Variants in CNTNAP2 observed in about 807,000 individuals in gnomAD.
CNTNAP2 encodes the protein contactin associated protein 2, also known as contactin-associated protein-like 2.
A neutral mutation model predicts 155.2 loss-of-function variants in CNTNAP2; 98 were observed. The ratio of observed to expected loss-of-function variants is 0.63; its 90% CI spans 0.54 to 0.75. The LOEUF (loss-of-function observed/expected upper bound fraction) is 0.75. Ranked by LOEUF, CNTNAP2 falls within the 30% of genes least tolerant of loss-of-function variation. The probability of loss-of-function intolerance (pLI) is 0.00; values close to 1 mark genes in which losing one functional copy is unlikely to be tolerated. For missense variants in CNTNAP2, 1,727 were observed against 1,688.1 expected (o/e 1.02, Z -0.40); for synonymous variants, 651 against 631.2 (o/e 1.03, Z -0.47).
At chr7:147,750,967 G>A (rs1237317728) in intron 13 of CNTNAP2, among the ~76,000 whole-genome samples, 2 of 152,156 alleles carry the variant, frequency 1.3e-5, no homozygotes, top group African/African-American at 4.8e-5. Context: ...GTGAACCCGA[G>A]AGGCGGAGCT....
chr7:147,120,831 C>A, intron 5 of CNTNAP2, 148 bp from the exon 6 acceptor site: 1 of 727,874 alleles, frequency 1.4e-6, no homozygotes, highest in Non-Finnish European at 2.4e-6. Context: ...TTTTAAGTGT[C>A]GTTACTTACT....
intron 13 of CNTNAP2, among the ~76,000 whole-genome samples, chr7:147,806,952 T>C (rs932693500): frequency 1.3e-5 from 2 of 152,116 alleles, no homozygotes; most frequent in African/African-American, 4.8e-5. Flanking sequence ...AGGGTGACTA[T>C]AGTTAACAAT....
chr7:146,858,473 C>T (rs1795036170), intron 3 of CNTNAP2, among the ~76,000 whole-genome samples: 1 of 152,176 alleles, frequency 6.6e-6, no homozygotes, highest in Admixed American at 6.5e-5. Flanking sequence ...GCGAGAGGAT[C>T]ACTTGAGCCC....
At chr7:146,769,730 CT>C (rs144579595) in intron 1 of CNTNAP2, among the ~76,000 whole-genome samples, 1,898 of 152,262 alleles carry the variant, frequency 0.012, 112 homozygotes, top group Admixed American at 0.099. Flanking sequence ...TGGAAACTCA[CT>C]CTGTAAAAGC....
intron 1 of CNTNAP2, among the ~76,000 whole-genome samples, chr7:146,160,770 G>C (rs1313839736): frequency 1.3e-5 from 2 of 152,064 alleles, no homozygotes; most frequent in African/African-American, 4.8e-5. Context: ...TTCTACCAGA[G>C]GTACAAAGAG....
At chr7:147,891,814 T>C (rs1799700094) in intron 13 of CNTNAP2, among the ~76,000 whole-genome samples, 2 of 152,102 alleles carry the variant, frequency 1.3e-5, no homozygotes, top group Non-Finnish European at 1.5e-5. Context: ...CCCCTACCAT[T>C]CTTTGAGTCC....
In CNTNAP2 at chr7:146,703,526, T is replaced by C. The variant is rs375171857; in HGVS notation, c.98-70745T>C. 5.9e-5 allele frequency among the ~76,000 whole-genome samples: 9 copies of C among 152,240 alleles called. No individual in the cohort carries two copies. The South Asian group carries it at 1.9e-3, about 32-fold the overall frequency. ...CTGTTTGGGCTGCTATAACAACATA[T>C]CATAAACTGGGTGGCTTATAAACAA... On this transcript the variant is annotated intron_variant, in intron 1 of 23. Coordinates refer to ENST00000361727, the MANE Select transcript of CNTNAP2 (RefSeq NM_014141.6).
intron 8 of CNTNAP2, among the ~76,000 whole-genome samples, chr7:147,294,964 GAC>G (rs1003807288): frequency 5.3e-5 from 8 of 152,014 alleles, no homozygotes; most frequent in Non-Finnish European, 8.8e-5. Flanking sequence ...CCTGATGAAA[GAC>G]AAATTATTAA....
At position 146,237,395 on chromosome 7, in the gene CNTNAP2, T is replaced by C. The variant is rs140047299; in HGVS notation, c.97+120422T>C. Among the ~76,000 whole-genome samples, 412 of 152,358 alleles carry C rather than the reference T, an allele frequency of 2.7e-3. 1 individual carries two copies. The highest frequency in any genetic ancestry group is 9.3e-3 in the African/African-American group (386 of 41,588). Reference sequence around the variant, plus strand: ...AATACTGAGTTTCTTGCTAATTTCATTGAATGGGTAGCTTGAAACAATTAC... The same window carrying C: ...AATACTGAGTTTCTTGCTAATTTCACTGAATGGGTAGCTTGAAACAATTAC... On this transcript the variant is annotated intron_variant, in intron 1 of 23. Transcript: ENST00000361727.
intron 13 of CNTNAP2, among the ~76,000 whole-genome samples, chr7:147,786,935 C>T (rs1192339459): frequency 6.6e-6 from 1 of 151,836 alleles, no homozygotes; most frequent in Non-Finnish European, 1.5e-5. Context: ...TGCCACTGAA[C>T]TCCAGGCTGG....
At chr7:146,773,101 G>A (rs1021533516) in intron 1 of CNTNAP2, among the ~76,000 whole-genome samples, 5 of 152,038 alleles carry the variant, frequency 3.3e-5, no homozygotes, top group African/African-American at 1.2e-4. Flanking sequence ...AGAGAGGGAC[G>A]GTAGACTCAG....
intron 21 of CNTNAP2, among the ~76,000 whole-genome samples, chr7:148,287,606 G>A (rs62470565): frequency 1.3e-5 from 2 of 152,048 alleles, no homozygotes; most frequent in African/African-American, 4.8e-5. Flanking sequence ...ATACCCAAGA[G>A]TGGGTAATTT....
intron 13 of CNTNAP2, among the ~76,000 whole-genome samples, chr7:147,653,072 GA>G (rs1293877849): frequency 2.0e-5 from 3 of 151,798 alleles, no homozygotes; most frequent in Non-Finnish European, 2.9e-5. Flanking sequence ...TGAAAGAAAC[GA>G]AAAAAACATG....
chr7:147,993,826 C>T (rs1309597912), intron 15 of CNTNAP2, among the ~76,000 whole-genome samples: 4 of 152,292 alleles, frequency 2.6e-5, no homozygotes, highest in African/African-American at 9.6e-5. Context: ...CACTGCTCCT[C>T]TAACTCCTCT....
At chr7:146,903,887 A>T (rs1484028550) in intron 3 of CNTNAP2, among the ~76,000 whole-genome samples, 1 of 152,226 alleles carries the variant, frequency 6.6e-6, no homozygotes, top group Non-Finnish European at 1.5e-5. Context: ...CCCATTAAAA[A>T]AGATAAATTG....
At chr7:146,297,059 GAT>G (rs1486356666) in intron 1 of CNTNAP2, among the ~76,000 whole-genome samples, 1 of 151,968 alleles carries the variant, frequency 6.6e-6, no homozygotes, top group Non-Finnish European at 1.5e-5. Flanking sequence ...TTTTCAAGAA[GAT>G]AGTAAAAGCC....
intron 15 of CNTNAP2, among the ~76,000 whole-genome samples, chr7:148,112,830 G>A (rs1804381284): frequency 6.6e-6 from 1 of 151,072 alleles, no homozygotes; most frequent in African/African-American, 2.4e-5. Context: ...ATATCTAAAA[G>A]GTATAAATCA....
chr7:147,506,410 C>T (rs1390647147), intron 11 of CNTNAP2, among the ~76,000 whole-genome samples: 1 of 152,134 alleles, frequency 6.6e-6, no homozygotes, highest in Admixed American at 6.5e-5. Context: ...CATGCACCAC[C>T]ATGCCCGGCT....
At chr7:147,261,766 A>T (rs550117308) in intron 8 of CNTNAP2, among the ~76,000 whole-genome samples, 1 of 152,334 alleles carries the variant, frequency 6.6e-6, no homozygotes, top group Admixed American at 6.5e-5. Flanking sequence ...ATGACAGCCA[A>T]CTGTTTTAAA....
Sources: allele counts gnomAD v4.1 joint callset (sites outside exome capture counted in the v4.1 genomes callset), GRCh38; gene constraint gnomAD v4.1.1; transcripts MANE v1.5; gene names NCBI Gene and HGNC (gene_info 2026-07-23, HGNC 2026-07-21).